CNGA3: variants seen among roughly 807,000 people sequenced by gnomAD.
The protein encoded by CNGA3 is cyclic nucleotide-gated channel alpha-3.
CNGA3 carries 42 observed loss-of-function variants against 46.6 expected under a neutral mutation model. The ratio of observed to expected loss-of-function variants is 0.90; its 90% confidence interval spans 0.70 to 1.17. The LOEUF (loss-of-function observed/expected upper bound fraction) is 1.17. Among genes scored for constraint, CNGA3 ranks in the 50% most tolerant of loss-of-function variants. The pLI is 0.00. For synonymous variants in CNGA3, 394 were observed against 369.4 expected (o/e 1.07, Z -0.76); for missense variants, 893 against 890.7 (o/e 1.00, Z -0.03).
At position 98,397,942 on chromosome 2, in the gene CNGA3, C is replaced by T. The variant is rs961763359; in HGVS notation, c.*687C>T. The T allele has an allele frequency of 1.3e-5, 2 of 153,774 alleles. No individual in the cohort carries two copies. The highest frequency in any genetic ancestry group is 1.3e-4 in the Admixed American group (2 of 15,634). 9.5% of individuals were successfully genotyped at this position (153,774 alleles called of 1,614,324 possible). The stretch of plus-strand genomic sequence containing the variant: ...GAATCTGCTTCACAGAAAAAAGCAT[C>T]TCAGTTAGGAGAAGAGACATCCCCT... On this transcript the variant is annotated 3_prime_UTR_variant, in exon 8 of 8. Transcript: ENST00000272602.
rs566225309 is a variant in CNGA3 at position 98,346,766 on chromosome 2, C to A, written c.-38+232C>A. Among the ~76,000 whole-genome samples the A allele has an allele frequency of 5.3e-5, 8 of 152,220 alleles. No individual in the cohort carries two copies. The South Asian group carries it at 1.7e-3, about 32-fold the overall frequency. On this transcript the variant is annotated intron_variant, in intron 1 of 7. Transcript: ENST00000272602. ...TACGGCCTCGGCTCCCACTCCCCGG[C>A]TCCCATACCCCTCCAGTCCAGTTCA... is the stretch of plus-strand genomic sequence containing the variant.
chr2:98,380,444 A>T, intron 4 of CNGA3, 90 bp downstream of exon 4: 1 of 1,492,332 alleles, frequency 6.7e-7, no homozygotes, highest in South Asian at 1.2e-5. Flanking sequence ...TGGATGCAGC[A>T]CAGGTGGCCT....
chr2:98,382,140 G>A (rs142470366), intron 4 of CNGA3, among the ~76,000 whole-genome samples: 211 of 152,320 alleles, frequency 1.4e-3, no homozygotes, highest in Middle Eastern at 6.8e-3. Flanking sequence ...GGGTCAGCAT[G>A]GGAAGATGGA....
chr2:98,371,051 C>A (rs1692274818), intron 2 of CNGA3, among the ~76,000 whole-genome samples: 2 of 152,172 alleles, frequency 1.3e-5, no homozygotes, highest in Non-Finnish European at 2.9e-5. Flanking sequence ...TCTCGAACTC[C>A]TGACCTCAGG....
chr2:98,368,546 A>G (rs950481820), intron 1 of CNGA3, among the ~76,000 whole-genome samples: 1 of 152,198 alleles, frequency 6.6e-6, no homozygotes, highest in Non-Finnish European at 1.5e-5. Context: ...ATGTTTGCCA[A>G]AGAGAAAATG....
At chr2:98,347,756 TG>T (rs1410380250) in intron 1 of CNGA3, among the ~76,000 whole-genome samples, 1 of 152,132 alleles carries the variant, frequency 6.6e-6, no homozygotes, top group Non-Finnish European at 1.5e-5. Flanking sequence ...GGGGCGAGGC[TG>T]GGATCAGCAG....
At chr2:98,392,676 G>A (rs1341652677) in intron 7 of CNGA3, among the ~76,000 whole-genome samples, 2 of 152,218 alleles carry the variant, frequency 1.3e-5, no homozygotes, top group Non-Finnish European at 2.9e-5. Flanking sequence ...ACTGGGGTAA[G>A]CAGGAAGGAG....
At chr2:98,358,102 G>C (rs1419039183) in intron 1 of CNGA3, among the ~76,000 whole-genome samples, 1 of 152,236 alleles carries the variant, frequency 6.6e-6, no homozygotes, top group Non-Finnish European at 1.5e-5. Flanking sequence ...CAGGATCACT[G>C]ATTGTGGTTT....
At chr2:98,359,299 G>A (rs2106079506) in intron 1 of CNGA3, among the ~76,000 whole-genome samples, 1 of 152,326 alleles carries the variant, frequency 6.6e-6, no homozygotes, top group African/African-American at 2.4e-5. Flanking sequence ...TGTGGTCTCA[G>A]CAAGTGTTTC....
rs1443129647 is a variant in CNGA3 at position 98,369,999 on chromosome 2, C to T, written c.24C>T (p.Tyr8=). The change falls in exon 2 of 8, where the codon TAC becomes TAT. Residue 8 remains tyrosine (Y), a synonymous_variant. Coordinates refer to ENST00000272602, the MANE Select transcript of CNGA3 (RefSeq NM_001298.3). The part of the protein sequence containing the change: MAKINTQ[Y]SHPSRTHLKV... Reference sequence around the variant, plus strand: ...AGATGGCCAAGATCAACACCCAATACTCCCACCCCTCCAGGACCCACCTCA... The same window carrying T: ...AGATGGCCAAGATCAACACCCAATATTCCCACCCCTCCAGGACCCACCTCA... The T allele has an allele frequency of 2.5e-6, 4 of 1,613,868 alleles. No homozygotes were observed. The African/African-American group carries it at 5.3e-5, about 22-fold the overall frequency.
chr2:98,395,712 T>C, intron 7 of CNGA3, 132 bp from the exon 8 acceptor site: 1 of 742,960 alleles, frequency 1.3e-6, no homozygotes, highest in Non-Finnish European at 2.4e-6. Flanking sequence ...GTAAGTGTTG[T>C]TTTTGAAATC....
chr2:98,390,177 C>T (rs1330095528), intron 6 of CNGA3, among the ~76,000 whole-genome samples: 2 of 151,724 alleles, frequency 1.3e-5, no homozygotes, highest in Non-Finnish European at 2.9e-5. Context: ...ACTCTGTCAC[C>T]CAGGCTGGAG....
Position 98,389,702 on chromosome 2 carries a change from G to A in CNGA3, c.494G>A (p.Ser165Asn). The change falls in exon 6 of 8, where the codon AGC (serine) becomes AAC (asparagine). Residue 165 changes from serine to asparagine, a missense_variant. Around this residue, in one of 3 missense-constraint regions of CNGA3, gnomAD observed 333 missense variants for 290.8 expected, o/e 1.15. Coordinates refer to ENST00000272602, the MANE Select transcript of CNGA3 (RefSeq NM_001298.3). Reference protein sequence around the residue: ...KKDAIVVDPSSNLYYRWLTAI... With the variant: ...KKDAIVVDPSNNLYYRWLTAI... ...GATGCGATCGTGGTGGACCCGTCCA[G>A]CAACCTGTACTACCGCTGGCTGACC... The A allele has an allele frequency of 1.2e-6, 2 of 1,613,854 alleles. No homozygotes were observed. The highest frequency in any genetic ancestry group is 1.7e-6 in the Non-Finnish European group (2 of 1,180,044).
At position 98,370,094 on chromosome 2, in the gene CNGA3, G is replaced by A; in HGVS notation, c.101+18G>A. On this transcript the variant is annotated intron_variant, in intron 2 of 7. Transcript: ENST00000272602. Reference sequence around the variant, plus strand: ...CTCAGCAGGTAAGATGGGCTAAGATGGGCTTTTCATTTTATGCCTGGCTCT... The same window carrying A: ...CTCAGCAGGTAAGATGGGCTAAGATAGGCTTTTCATTTTATGCCTGGCTCT... 1 of 1,578,680 alleles carries A rather than the reference G, an allele frequency of 6.3e-7. No homozygotes were observed. The highest frequency in any genetic ancestry group is 1.1e-5 in the South Asian group (1 of 89,738).
intron 3 of CNGA3, among the ~76,000 whole-genome samples, chr2:98,379,319 G>T (rs1692485544): frequency 6.6e-6 from 1 of 152,240 alleles, no homozygotes; most frequent in Non-Finnish European, 1.5e-5. Context: ...ACTGACTCTG[G>T]CTCGGGACAC....
intron 2 of CNGA3, among the ~76,000 whole-genome samples, chr2:98,370,785 A>G (rs1424593226): frequency 1.3e-5 from 2 of 152,130 alleles, no homozygotes; most frequent in East Asian, 1.9e-4. Context: ...GAAGGGACCT[A>G]TTTACTGTAC....
At chr2:98,389,951 C>A (rs1397787299) in intron 6 of CNGA3, among the ~76,000 whole-genome samples, 177 bp downstream of exon 6, 1 of 152,132 alleles carries the variant, frequency 6.6e-6, no homozygotes, top group East Asian at 1.9e-4. Flanking sequence ...AGAGGACCAT[C>A]AGAGTGCTCT....
Position 98,396,786 on chromosome 2 carries a change from T to C in CNGA3, c.1616T>C (p.Val539Ala), listed in dbSNP as rs146200757. ...VVADDGVTQF[V>A]VLSDGSYFGE... is the part of the protein sequence containing the mutation. Reference sequence around the variant, plus strand: ...GCTGATGATGGGGTCACCCAGTTCGTGGTCCTCAGCGATGGCAGCTACTTC... The same window carrying C: ...GCTGATGATGGGGTCACCCAGTTCGCGGTCCTCAGCGATGGCAGCTACTTC... Residue 539 changes from valine (V) to alanine (A), a missense_variant, in exon 8 of 8, where the codon GTG (valine) becomes GCG (alanine). By Grantham distance (64) the Val-to-Ala change is moderately conservative. This residue lies in a region of CNGA3 where 548 missense variants were observed against 570.8 expected (regional missense o/e 0.96). Coordinates refer to ENST00000272602, the MANE Select transcript of CNGA3 (RefSeq NM_001298.3). 64 of 1,614,072 alleles carry C rather than the reference T, an allele frequency of 4.0e-5. No homozygotes were observed. The highest frequency in any genetic ancestry group is 4.9e-5 in the Non-Finnish European group (58 of 1,180,040).
chr2:98,376,536 A>T lies in CNGA3; in HGVS notation c.102-1151A>T, dbSNP rs116633370. Among the ~76,000 whole-genome samples, 556 of 152,242 alleles carry T rather than the reference A, an allele frequency of 3.7e-3. 4 individuals are homozygous for T. The highest frequency in any genetic ancestry group is 0.013 in the African/African-American group (520 of 41,546). ...AGAGACAGCCCAGGCAGACCGGGGC[A>T]TGGGAGTGAGCTCCCTGTTGCTGGA... is the stretch of plus-strand genomic sequence containing the variant. On this transcript the variant is annotated intron_variant, in intron 2 of 7. Coordinates refer to ENST00000272602, the MANE Select transcript of CNGA3 (RefSeq NM_001298.3).
Sources: gnomAD v4.1 joint callset for allele counts (sites outside exome capture counted in the v4.1 genomes callset) on GRCh38, gnomAD v4.1.1 for gene constraint, gnomAD v4.1.1 regional missense constraint, MANE v1.5 for transcripts, NCBI Gene and HGNC (gene_info 2026-07-23, HGNC 2026-07-21) for gene names.